The following SLC4A4 variants were observed in gnomAD, a reference collection of about 807,000 sequenced individuals.
SLC4A4 encodes the protein electrogenic sodium bicarbonate cotransporter 1.
A neutral mutation model predicts 111.5 loss-of-function variants in SLC4A4; 27 were observed. The observed-to-expected ratio is 0.24, with a 90% confidence interval of 0.18 to 0.33. The LOEUF (loss-of-function observed/expected upper bound fraction) is 0.33. Among genes scored for constraint, SLC4A4 ranks in the 10% least tolerant of loss-of-function variants. The probability of loss-of-function intolerance (pLI) is 1.00; values close to 1 mark genes in which losing one functional copy is unlikely to be tolerated. For missense variants in SLC4A4, 909 were observed against 1,315.5 expected (o/e 0.69, Z 4.78); for synonymous variants, 443 against 463.4 (o/e 0.96, Z 0.57).
chr4:71,291,725 C>T (rs996072740), intron 3 of SLC4A4, among the ~76,000 whole-genome samples: 1 of 152,144 alleles, frequency 6.6e-6, no homozygotes, highest in Non-Finnish European at 1.5e-5. Flanking sequence ...TGCCTTAATA[C>T]TATGCAATTC....
At chr4:71,233,425 A>G (rs1269965484) in intron 1 of SLC4A4, 2 of 353,674 alleles carry the variant, frequency 5.7e-6, no homozygotes, top group African/African-American at 4.4e-5. Flanking sequence ...TCCTTTTGTC[A>G]CTTCCTTGAC....
At chr4:71,196,663 C>T (rs1265225580) in intron 1 of SLC4A4, among the ~76,000 whole-genome samples, 1 of 151,202 alleles carries the variant, frequency 6.6e-6, no homozygotes, top group Non-Finnish European at 1.5e-5. Context: ...TGGAGGGATA[C>T]TTAGTATTTT....
chr4:71,424,004 AC>A (rs1560496015), intron 7 of SLC4A4, among the ~76,000 whole-genome samples: 1 of 152,138 alleles, frequency 6.6e-6, no homozygotes, highest in Non-Finnish European at 1.5e-5. Context: ...ATCTAGTTAA[AC>A]TAAAGAGCTT....
At chr4:71,418,921 T>C (rs1035917307) in intron 7 of SLC4A4, among the ~76,000 whole-genome samples, 1 of 152,230 alleles carries the variant, frequency 6.6e-6, no homozygotes, top group Non-Finnish European at 1.5e-5. Flanking sequence ...GACAGGACAC[T>C]CAGCTGCAGG....
chr4:71,401,346 A>G (rs1308607931), intron 7 of SLC4A4, among the ~76,000 whole-genome samples: 7 of 152,330 alleles, frequency 4.6e-5, no homozygotes, highest in African/African-American at 1.4e-4. Context: ...AGAAGAGCAT[A>G]GCCAGAATTT....
At chr4:71,117,846 A>C (rs1198324266) in intron 2 of SLC4A4, among the ~76,000 whole-genome samples, 1 of 150,652 alleles carries the variant, frequency 6.6e-6, no homozygotes, top group African/African-American at 2.4e-5. Context: ...AAAATCCATA[A>C]GTTTATTTCT....
chr4:71,075,009 G>A (rs1741769174), intron 1 of SLC4A4, among the ~76,000 whole-genome samples: 1 of 152,060 alleles, frequency 6.6e-6, no homozygotes, highest in African/African-American at 2.4e-5. Context: ...CATATAACAA[G>A]GCTTAATTCA....
At chr4:71,401,527 A>G (rs1720362506) in intron 7 of SLC4A4, among the ~76,000 whole-genome samples, 1 of 152,092 alleles carries the variant, frequency 6.6e-6, no homozygotes, top group Non-Finnish European at 1.5e-5. Flanking sequence ...ACATTATCTA[A>G]TTATGTTTCT....
intron 2 of SLC4A4, among the ~76,000 whole-genome samples, chr4:71,148,089 A>G (rs1226148525): frequency 2.6e-5 from 4 of 152,200 alleles, no homozygotes; most frequent in Non-Finnish European, 5.9e-5. Flanking sequence ...TTACAACTGC[A>G]AGGGACTTTA....
At chr4:71,251,389 C>T (rs965285465) in intron 2 of SLC4A4, among the ~76,000 whole-genome samples, 1 of 152,158 alleles carries the variant, frequency 6.6e-6, no homozygotes, top group Non-Finnish European at 1.5e-5. Context: ...CTACTTGCAA[C>T]TGGGGTGGAG....
At chr4:71,558,542 C>T (rs544232665) in intron 22 of SLC4A4, among the ~76,000 whole-genome samples, 1 of 152,020 alleles carries the variant, frequency 6.6e-6, no homozygotes, top group African/African-American at 2.4e-5. Flanking sequence ...GGCATCACTA[C>T]TGAATTTTAT....
At chr4:71,062,843 C>T (rs765258377) in intron 1 of SLC4A4, among the ~76,000 whole-genome samples, 4 of 152,124 alleles carry the variant, frequency 2.6e-5, no homozygotes, top group African/African-American at 4.8e-5. Flanking sequence ...GCCACACAAA[C>T]GACATGATGT....
chr4:71,299,740 T>A (rs1403449770), intron 3 of SLC4A4, among the ~76,000 whole-genome samples: 1 of 152,024 alleles, frequency 6.6e-6, no homozygotes. Context: ...GCTGGGGTAA[T>A]GTTTGTATAA....
At chr4:71,379,425 C>T (rs1717873065) in intron 6 of SLC4A4, among the ~76,000 whole-genome samples, 1 of 152,084 alleles carries the variant, frequency 6.6e-6, no homozygotes, top group African/African-American at 2.4e-5. Context: ...CCAATTGCCC[C>T]CTCTTGATGT....
At chr4:71,460,668 G>C (rs1282904872) in intron 12 of SLC4A4, among the ~76,000 whole-genome samples, 1 of 152,018 alleles carries the variant, frequency 6.6e-6, no homozygotes, top group African/African-American at 2.4e-5. Context: ...AAAAAATGAG[G>C]GTTGTATATC....
At chr4:71,373,423 T>C (rs1375511525) in intron 6 of SLC4A4, among the ~76,000 whole-genome samples, 1 of 152,228 alleles carries the variant, frequency 6.6e-6, no homozygotes, top group Non-Finnish European at 1.5e-5. Flanking sequence ...GGACCTTATA[T>C]ATTTCCGTAA....
intron 7 of SLC4A4, among the ~76,000 whole-genome samples, chr4:71,419,094 C>G (rs1021470855): frequency 2.6e-4 from 39 of 152,326 alleles, no homozygotes; most frequent in South Asian, 6.2e-4. Flanking sequence ...AAGTGTCAGT[C>G]TGCCCCTACT....
intron 6 of SLC4A4, among the ~76,000 whole-genome samples, chr4:71,382,681 A>G (rs1414448585): frequency 6.6e-6 from 1 of 152,244 alleles, no homozygotes; most frequent in African/African-American, 2.4e-5. Flanking sequence ...ATAATGTTAT[A>G]GGAGGGAAAC....
chr4:71,510,306 A>G (rs954848764), intron 16 of SLC4A4, among the ~76,000 whole-genome samples: 3 of 152,194 alleles, frequency 2.0e-5, no homozygotes. Context: ...TAGGGATTTC[A>G]CTGCTTCTCC....
Sources: gnomAD v4.1 joint callset for allele counts (sites outside exome capture counted in the v4.1 genomes callset) on GRCh38, gnomAD v4.1.1 for gene constraint, MANE v1.5 for transcripts, NCBI Gene and HGNC (gene_info 2026-07-23, HGNC 2026-07-21) for gene names.